ADD3: variants seen among roughly 807,000 people sequenced by gnomAD.
ADD3 encodes adducin 3.
A neutral mutation model predicts 80.2 loss-of-function variants in ADD3; 25 were observed. That is an observed-to-expected ratio of 0.31 (90% CI 0.23 to 0.44). ADD3 has a LOEUF of 0.44. ADD3 is among the 20% of genes least tolerant of loss of function. ADD3 has a pLI of 1.00. For missense variants in ADD3, 829 were observed against 847.5 expected, an observed-to-expected ratio of 0.98 and a Z score of 0.27; for synonymous variants, 284 against 289.6, an observed-to-expected ratio of 0.98 and a Z score of 0.20.
At chr10:110,067,767 T>A (rs1019292907) in intron 1 of ADD3, among the ~76,000 whole-genome samples, 6 of 152,336 alleles carry the variant, frequency 3.9e-5, no homozygotes, top group Admixed American at 1.3e-4. Context: ...TGGGTTTACA[T>A]AGAGTTTATA....
At chr10:110,130,541 A>G in intron 13 of ADD3, 55 bp downstream of exon 13, 1 of 1,579,162 alleles carries the variant, frequency 6.3e-7, no homozygotes, top group South Asian at 1.1e-5. Flanking sequence ...ACAATAAAGT[A>G]CCTCACGTTG....
chr10:110,025,363 G>T (rs554980446), intron 1 of ADD3, among the ~76,000 whole-genome samples: 1 of 151,702 alleles, frequency 6.6e-6, no homozygotes, highest in Admixed American at 6.6e-5. Flanking sequence ...ATTTTAGTTC[G>T]ATATTTGTGG....
intron 1 of ADD3, among the ~76,000 whole-genome samples, chr10:110,063,867 C>A (rs1257317312): frequency 6.7e-6 from 1 of 148,670 alleles, no homozygotes. Context: ...CATTTCTCCT[C>A]TCTCTGCAAG....
chr10:110,133,335 A>G lies in ADD3; in HGVS notation c.1838A>G (p.Glu613Gly), dbSNP rs1391382047. The stretch of plus-strand genomic sequence containing the variant: ...CCCTCCCCTTTCGTAGAAAACCATG[A>G]GCTGTTTTCCAAGAGCTTCATCTCC... ...NVPEKLEENHELFSKSFISME... is the reference protein window; with the variant it reads ...NVPEKLEENHGLFSKSFISME... The change falls in exon 15 of 15, where the codon GAG becomes GGG. Residue 613 changes from glutamate (E) to glycine (G), a missense_variant. Transcript: ENST00000356080. 10 of 1,580,024 alleles carry G rather than the reference A, an allele frequency of 6.3e-6. No homozygotes were observed. The highest frequency in any genetic ancestry group is 8.6e-6 in the Non-Finnish European group (10 of 1,156,188).
intron 1 of ADD3, among the ~76,000 whole-genome samples, chr10:110,058,926 A>G (rs980179306): frequency 2.0e-5 from 3 of 152,212 alleles, no homozygotes; most frequent in African/African-American, 7.2e-5. Context: ...TGCCTACAAC[A>G]CTGTCTTCCT....
At position 110,118,595 on chromosome 10, in the gene ADD3, C is replaced by A. The variant is rs776824484; in HGVS notation, c.576C>A (p.Val192=). ...CTTCTGATTTTTTCCAGGTGAAAGT[C>A]AATATAATAGGAGAAGTGGTTGACC... ...SEATASNLVK[V]NIIGEVVDQG... is the part of the protein sequence containing the mutation. Residue 192 remains valine (V), a synonymous_variant, in exon 6 of 15, where the codon GTC becomes GTA. Transcript: ENST00000356080. 1 of 1,613,720 alleles carries A rather than the reference C, an allele frequency of 6.2e-7. No homozygotes were observed. The highest frequency in any genetic ancestry group is 2.2e-5 in the East Asian group (1 of 44,868).
chr10:110,114,620 G>A (rs1850465534), intron 3 of ADD3, among the ~76,000 whole-genome samples: 1 of 152,154 alleles, frequency 6.6e-6, no homozygotes, highest in Admixed American at 6.5e-5. Flanking sequence ...AGGTTAAGGA[G>A]GTAGAGGTTA....
chr10:110,024,469 C>T (rs571874152), intron 1 of ADD3, among the ~76,000 whole-genome samples: 34 of 152,306 alleles, frequency 2.2e-4, no homozygotes, highest in African/African-American at 7.7e-4. Context: ...GATGATTTGG[C>T]TCCTCTAGTA....
chr10:110,092,038 A>G (rs938845811), intron 1 of ADD3, among the ~76,000 whole-genome samples: 2 of 152,166 alleles, frequency 1.3e-5, no homozygotes, highest in Non-Finnish European at 2.9e-5. Context: ...ACAGGGAGAT[A>G]CCTTCTCATA....
chr10:110,087,633 A>G (rs756963423), intron 1 of ADD3, among the ~76,000 whole-genome samples: 19 of 152,204 alleles, frequency 1.2e-4, no homozygotes, highest in Non-Finnish European at 2.4e-4. Flanking sequence ...CATTGTACTT[A>G]TGTATATCAG....
intron 1 of ADD3, among the ~76,000 whole-genome samples, chr10:110,046,965 G>C (rs1193164502): frequency 3.3e-5 from 5 of 152,076 alleles, no homozygotes; most frequent in Non-Finnish European, 7.4e-5. Flanking sequence ...TGATTCTGAA[G>C]TGATGTCTAC....
Position 110,110,496 on chromosome 10 carries a change from C to T in ADD3, c.196-2281C>T, listed in dbSNP as rs143198184. On this transcript the variant is annotated intron_variant, in intron 2 of 14. Transcript: ENST00000356080. ...CACAGTGCATCAGGGAGGGATCTTC[C>T]GGTGCTAAGCTCGGTCCTTTATGGT... Among the ~76,000 whole-genome samples the T allele has an allele frequency of 6.5e-4, 99 of 152,230 alleles. 1 individual carries two copies. The highest frequency in any genetic ancestry group is 2.1e-3 in the African/African-American group (88 of 41,544).
rs957462600 is a variant in ADD3 at position 110,112,814 on chromosome 10, A to G, written c.233A>G (p.Gln78Arg). Residue 78 changes from glutamine to arginine, a missense_variant, in exon 3 of 15, where the codon CAG becomes CGG. By Grantham distance (43) the Gln-to-Arg change is conservative. Transcript: ENST00000356080. The part of the protein sequence containing the change: ...REDLECLIQE[Q>R]MKKGHNPTGL... ...GACTTGGAATGCCTTATTCAAGAAC[A>G]GATGAAGAAAGGCCACAACCCAACT... 1 of 1,614,126 alleles carries G rather than the reference A, an allele frequency of 6.2e-7. No individual in the cohort carries two copies. Among genetic ancestry groups the G allele is most frequent in the Non-Finnish European group, 8.5e-7 (1 of 1,179,982 alleles).
chr10:110,094,619 C>A (rs576908741), intron 1 of ADD3, among the ~76,000 whole-genome samples: 1 of 152,212 alleles, frequency 6.6e-6, no homozygotes, highest in South Asian at 2.1e-4. Flanking sequence ...GTTTTCAGAT[C>A]TGTCAATTTC....
At chr10:110,022,147 T>TA (rs1245431689) in intron 1 of ADD3, among the ~76,000 whole-genome samples, 1 of 152,152 alleles carries the variant, frequency 6.6e-6, no homozygotes, top group African/African-American at 2.4e-5. Context: ...ATTTTTTTTT[T>TA]AACACTTGAT....
chr10:110,006,036 G>C (rs1851612676), upstream of ADD3: 1 of 235,532 alleles, frequency 4.2e-6, no homozygotes. Context: ...GCTGCTGTTG[G>C]TCTGAGGCTG....
At chr10:110,055,963 G>T (rs915262438) in intron 1 of ADD3, among the ~76,000 whole-genome samples, 1 of 152,158 alleles carries the variant, frequency 6.6e-6, no homozygotes, top group African/African-American at 2.4e-5. Flanking sequence ...ATAAATCCAT[G>T]CTAACGACTA....
intron 2 of ADD3, among the ~76,000 whole-genome samples, chr10:110,107,743 TAAATA>T (rs929529086): frequency 1.3e-5 from 2 of 151,806 alleles, no homozygotes; most frequent in African/African-American, 4.8e-5. Flanking sequence ...TTGTGACAAT[TAAATA>T]AAATAACATA....
intron 1 of ADD3, among the ~76,000 whole-genome samples, chr10:110,042,427 G>C (rs1451231361): frequency 2.0e-5 from 3 of 152,014 alleles, no homozygotes; most frequent in South Asian, 4.1e-4. Flanking sequence ...CGTGTTTGTC[G>C]GTCAGTCTTG....
Sources: allele counts gnomAD v4.1 joint callset (sites outside exome capture counted in the v4.1 genomes callset), GRCh38; gene constraint gnomAD v4.1.1; transcripts MANE v1.5; gene names NCBI Gene and HGNC (gene_info 2026-07-23, HGNC 2026-07-21).